Variants in CCSER2 observed in about 807,000 individuals in gnomAD.
CCSER2 encodes the protein coiled-coil serine rich protein 2, also known as serine-rich coiled-coil domain-containing protein 2.
A neutral mutation model predicts 92.3 loss-of-function variants in CCSER2; 46 were observed. The ratio of observed to expected loss-of-function variants is 0.50; its 90% confidence interval spans 0.39 to 0.64. The LOEUF (loss-of-function observed/expected upper bound fraction) is 0.64. CCSER2 is among the 30% of genes least tolerant of loss of function. The pLI, the probability that CCSER2 is intolerant of heterozygous loss-of-function variation, is 0.00. For missense variants in CCSER2, 1,244 were observed against 1,238.9 expected, an observed-to-expected ratio of 1.00 and a Z score of -0.06; for synonymous variants, 433 against 431.4, an observed-to-expected ratio of 1.00 and a Z score of -0.04.
rs201895628 is a variant in CCSER2, at chr10:84,371,535, T to A, written c.483T>A (p.Thr161=). ...KFTKGTLLGR[T]SYSSINTPKS... The stretch of plus-strand genomic sequence containing the variant: ...CCAAAGGCACATTATTAGGAAGGAC[T>A]TCATATTCTTCGATCAATACTCCAA... Residue 161 remains threonine (T), a synonymous_variant, in exon 2 of 10, where the codon ACT becomes ACA. Coordinates refer to ENST00000372088, the MANE Select transcript of CCSER2 (RefSeq NM_001284240.2). 1.9e-6 allele frequency: 3 copies of A among 1,613,706 alleles called. No homozygotes were observed. Among genetic ancestry groups the A allele is most frequent in the Non-Finnish European group, 2.5e-6 (3 of 1,179,762 alleles).
At position 84,347,915 on chromosome 10, in the gene CCSER2, C is replaced by T. The variant is rs542349869; in HGVS notation, c.-40+19107C>T. Among the ~76,000 whole-genome samples the T allele has an allele frequency of 2.4e-3, 363 of 152,038 alleles. 1 individual carries two copies. Among genetic ancestry groups the T allele is most frequent in the African/African-American group, 8.4e-3 (347 of 41,492 alleles). On this transcript the variant is annotated intron_variant, in intron 1 of 9. Coordinates refer to ENST00000372088, the MANE Select transcript of CCSER2 (RefSeq NM_001284240.2). ...TGATGGGTGGCCGGGCAGAGACGCT[C>T]CTCACTTCCTAGGTGGGATGGCGGC...
chr10:84,328,640 C>T lies in CCSER2; in HGVS notation c.-208C>T, dbSNP rs1349814607. 4 of 150,804 alleles carry T rather than the reference C, an allele frequency of 2.7e-5. No individual in the cohort carries two copies. The highest frequency in any genetic ancestry group is 6.6e-5 in the Admixed American group (1 of 15,140). The allele number at this position is 150,804 out of a possible 1,614,324, so 9.3% of individuals were successfully genotyped here. On this transcript the variant is annotated 5_prime_UTR_variant, in exon 1 of 10. Transcript: ENST00000372088. ...GAGGGGGCGCGGCGGCTTTGGAGTCCGGCGCTCCCTCAGGCCGCGGACGCG... is the reference window on the plus strand; with the variant it reads ...GAGGGGGCGCGGCGGCTTTGGAGTCTGGCGCTCCCTCAGGCCGCGGACGCG...
chr10:84,483,840 C>G (rs1198523085), intron 9 of CCSER2, among the ~76,000 whole-genome samples: 22 of 140,754 alleles, frequency 1.6e-4, no homozygotes, highest in Non-Finnish European at 3.0e-5. Context: ...AGGCTCAAGT[C>G]AGTGGCATGA....
At position 84,373,906 on chromosome 10, in the gene CCSER2, ATTAAC is replaced by A. The variant is rs766240024; in HGVS notation, c.1614+94_1614+98del. On this transcript the variant is annotated intron_variant, in intron 3 of 9. Coordinates refer to ENST00000372088, the MANE Select transcript of CCSER2 (RefSeq NM_001284240.2). ...GATTGATTTTGTAAAAAATTTATGA[ATTAAC>A]TTTACTACTTTGAGAAATGGAAATT... 3.8e-6 allele frequency: 6 copies of A among 1,559,058 alleles called. No individual in the cohort carries two copies. The African/African-American group carries it at 6.8e-5, about 18-fold the overall frequency.
At chr10:84,494,101 A>G (rs564601154) in intron 9 of CCSER2, among the ~76,000 whole-genome samples, 3 of 152,338 alleles carry the variant, frequency 2.0e-5, no homozygotes, top group South Asian at 2.1e-4. Context: ...AGCTGTAAAT[A>G]CAGATGAAGC....
At chr10:84,499,995 C>A (rs764068490) in intron 9 of CCSER2, 6 of 1,613,520 alleles carry the variant, frequency 3.7e-6, no homozygotes, top group Non-Finnish European at 4.2e-6. Flanking sequence ...CCTGCTCTGG[C>A]TTCCCCTTCA....
At chr10:84,510,889 GT>G (rs1849314555) in intron 9 of CCSER2, among the ~76,000 whole-genome samples, 1 of 152,124 alleles carries the variant, frequency 6.6e-6, no homozygotes, top group South Asian at 2.1e-4. Flanking sequence ...CATTATAGGT[GT>G]TTCTTATTCC....
At chr10:84,438,432 G>A (rs1844319499) in intron 5 of CCSER2, 80 bp from the exon 6 acceptor site, 3 of 806,598 alleles carry the variant, frequency 3.7e-6, no homozygotes, top group Admixed American at 2.5e-5. Context: ...AATAATCACT[G>A]CAATAATTTC....
intron 6 of CCSER2, among the ~76,000 whole-genome samples, chr10:84,457,110 G>A (rs117095697): frequency 0.011 from 1,646 of 146,236 alleles, 20 homozygotes; most frequent in Non-Finnish European, 0.018. Context: ...TTTAAAATTA[G>A]CTGACACTTT....
intron 1 of CCSER2, among the ~76,000 whole-genome samples, chr10:84,339,675 A>G (rs1844063187): frequency 6.7e-6 from 1 of 149,144 alleles, no homozygotes; most frequent in African/African-American, 2.5e-5. Context: ...AGGTTTCTCC[A>G]TGTTGGTCAG....
At chr10:84,382,718 G>A (rs578041985) in intron 3 of CCSER2, among the ~76,000 whole-genome samples, 1 of 152,240 alleles carries the variant, frequency 6.6e-6, no homozygotes, top group Non-Finnish European at 1.5e-5. Context: ...TTTATAGGAG[G>A]CCCAAAGAAG....
At chr10:84,355,170 T>C (rs1845095298) in intron 1 of CCSER2, among the ~76,000 whole-genome samples, 1 of 152,186 alleles carries the variant, frequency 6.6e-6, no homozygotes, top group Non-Finnish European at 1.5e-5. Context: ...ATCTTTTTTT[T>C]TAATGGTTTA....
chr10:84,420,932 C>CAAAAAAAAAAAAA (rs59244448), intron 4 of CCSER2, among the ~76,000 whole-genome samples: 1 of 84,822 alleles, frequency 1.2e-5, no homozygotes. Context: ...GACTCCATCT[C>CAAAAAAAAAAAAA]AAAAAAAAAA....
intron 8 of CCSER2, among the ~76,000 whole-genome samples, chr10:84,474,965 A>T (rs909853172): frequency 6.6e-6 from 1 of 152,190 alleles, no homozygotes; most frequent in African/African-American, 2.4e-5. Flanking sequence ...TGGCTGATTG[A>T]TTAGGTTCCA....
intron 1 of CCSER2, among the ~76,000 whole-genome samples, chr10:84,335,212 C>G (rs565112322): frequency 1.4e-5 from 2 of 140,150 alleles, no homozygotes; most frequent in African/African-American, 5.2e-5. Flanking sequence ...CCCCAGCATT[C>G]TACTTCTCTC....
At chr10:84,423,599 C>G (rs539546549) in intron 4 of CCSER2, among the ~76,000 whole-genome samples, 7 of 152,256 alleles carry the variant, frequency 4.6e-5, no homozygotes, top group South Asian at 2.1e-4. Context: ...ATTCAAATAA[C>G]CTATCAAGTG....
chr10:84,504,499 C>T (rs953990379), intron 9 of CCSER2, among the ~76,000 whole-genome samples: 1 of 152,130 alleles, frequency 6.6e-6, no homozygotes, highest in Non-Finnish European at 1.5e-5. Flanking sequence ...TGCTTATCCT[C>T]GACTGCACTG....
At chr10:84,342,100 C>T (rs1340852292) in intron 1 of CCSER2, among the ~76,000 whole-genome samples, 1 of 152,164 alleles carries the variant, frequency 6.6e-6, no homozygotes, top group Non-Finnish European at 1.5e-5. Flanking sequence ...GCTGAAAAGT[C>T]CCAACCTGTA....
At chr10:84,355,657 C>T (rs559108680) in intron 1 of CCSER2, among the ~76,000 whole-genome samples, 2 of 152,182 alleles carry the variant, frequency 1.3e-5, no homozygotes, top group African/African-American at 2.4e-5. Flanking sequence ...TCATAATAGG[C>T]TTTCAATAAA....
Sources: gnomAD v4.1 joint callset for allele counts (sites outside exome capture counted in the v4.1 genomes callset) on GRCh38, gnomAD v4.1.1 for gene constraint, MANE v1.5 for transcripts, NCBI Gene and HGNC (gene_info 2026-07-23, HGNC 2026-07-21) for gene names.